Variants in SLC39A11 observed in about 807,000 individuals in gnomAD.
SLC39A11 encodes the protein zinc transporter ZIP11.
A neutral mutation model predicts 36.1 loss-of-function variants in SLC39A11; 33 were observed. That is an observed-to-expected ratio of 0.91 (90% CI 0.69 to 1.22). The LOEUF is 1.22. SLC39A11 is among the 50% of genes most tolerant of loss of function. The pLI is 0.00. For synonymous variants in SLC39A11, 166 were observed against 170.3 expected (o/e 0.97, Z 0.20); for missense variants, 432 against 430.3 (o/e 1.00, Z -0.03).
intron 4 of SLC39A11, among the ~76,000 whole-genome samples, chr17:72,975,006 T>C (rs1482159753): frequency 6.6e-6 from 1 of 152,178 alleles, no homozygotes; most frequent in Non-Finnish European, 1.5e-5. Context: ...GGCTATCCCA[T>C]CTTTGTTTGG....
At chr17:73,088,305 GAA>G (rs1417667821) in intron 2 of SLC39A11, among the ~76,000 whole-genome samples, 18 of 145,856 alleles carry the variant, frequency 1.2e-4, no homozygotes, top group Admixed American at 6.8e-5. Flanking sequence ...AAAAAAAAAA[GAA>G]AAAAGAAAAA....
At chr17:72,855,925 A>G (rs1479624039) in intron 5 of SLC39A11, among the ~76,000 whole-genome samples, 1 of 151,082 alleles carries the variant, frequency 6.6e-6, no homozygotes, top group Non-Finnish European at 1.5e-5. Flanking sequence ...ATAGAAGGGG[A>G]TCAACTTATA....
At chr17:73,061,721 C>G (rs2059845374) in intron 3 of SLC39A11, among the ~76,000 whole-genome samples, 1 of 152,140 alleles carries the variant, frequency 6.6e-6, no homozygotes, top group Admixed American at 6.5e-5. Context: ...GCAGGCTGGG[C>G]AAGTGGCTCA....
intron 5 of SLC39A11, among the ~76,000 whole-genome samples, chr17:72,928,638 A>G (rs1053608094): frequency 6.6e-6 from 1 of 152,118 alleles, no homozygotes; most frequent in Non-Finnish European, 1.5e-5. Context: ...GGGCCCTGAT[A>G]GTTGATTCTC....
At chr17:72,973,575 T>C (rs1000070638) in intron 4 of SLC39A11, among the ~76,000 whole-genome samples, 3 of 152,162 alleles carry the variant, frequency 2.0e-5, no homozygotes, top group African/African-American at 7.2e-5. Context: ...TTTTTCTTTT[T>C]TGAGACAGGG....
intron 5 of SLC39A11, among the ~76,000 whole-genome samples, chr17:72,914,991 G>T (rs2083252499): frequency 6.6e-6 from 1 of 152,160 alleles, no homozygotes. Flanking sequence ...ACAGGCTGGG[G>T]CCACTTTGTT....
At chr17:72,890,353 A>T (rs2146708539) in intron 5 of SLC39A11, among the ~76,000 whole-genome samples, 1 of 152,178 alleles carries the variant, frequency 6.6e-6, no homozygotes, top group African/African-American at 2.4e-5. Context: ...CCAGCAAGTT[A>T]TAACTAGGGA....
chr17:72,864,977 A>C (rs2080229071), intron 5 of SLC39A11, among the ~76,000 whole-genome samples: 1 of 152,226 alleles, frequency 6.6e-6, no homozygotes, highest in Non-Finnish European at 1.5e-5. Context: ...CTAGCCATCT[A>C]TCTGATTCCA....
At chr17:72,935,749 A>G (rs545466773) in intron 5 of SLC39A11, among the ~76,000 whole-genome samples, 2 of 151,570 alleles carry the variant, frequency 1.3e-5, no homozygotes, top group Non-Finnish European at 2.9e-5. Context: ...TGCCCAGCTA[A>G]TTTTTTTTGT....
intron 5 of SLC39A11, among the ~76,000 whole-genome samples, chr17:72,889,096 T>A (rs192154740): frequency 6.6e-6 from 1 of 152,034 alleles, no homozygotes; most frequent in Admixed American, 6.6e-5. Context: ...AAAAGGGAGG[T>A]TCGATCAATG....
intron 5 of SLC39A11, among the ~76,000 whole-genome samples, chr17:72,875,265 C>G (rs2080841359): frequency 6.6e-6 from 1 of 152,128 alleles, no homozygotes; most frequent in African/African-American, 2.4e-5. Context: ...TTGAATTTGC[C>G]AGCAAGGCTA....
intron 5 of SLC39A11, among the ~76,000 whole-genome samples, chr17:72,896,858 G>C (rs1451200296): frequency 6.6e-6 from 1 of 151,702 alleles, no homozygotes; most frequent in African/African-American, 2.4e-5. Flanking sequence ...TTCAAGACCA[G>C]CCTGACCAAC....
chr17:72,959,574 G>C (rs1203655557), intron 4 of SLC39A11, among the ~76,000 whole-genome samples: 1 of 151,708 alleles, frequency 6.6e-6, no homozygotes, highest in Admixed American at 6.6e-5. Context: ...GGGGGGAAGG[G>C]TGGCAGAGGG....
intron 4 of SLC39A11, among the ~76,000 whole-genome samples, chr17:72,973,965 TGAC>T (rs1324466050): frequency 6.6e-6 from 1 of 152,164 alleles, no homozygotes; most frequent in Non-Finnish European, 1.5e-5. Flanking sequence ...GTGTGCATGA[TGAC>T]ATGAAAGTCA....
At chr17:72,974,161 C>A (rs1363085591) in intron 4 of SLC39A11, among the ~76,000 whole-genome samples, 2 of 152,206 alleles carry the variant, frequency 1.3e-5, no homozygotes, top group South Asian at 2.1e-4. Flanking sequence ...AGTGCAGTGG[C>A]GCGATCTGGC....
intron 6 of SLC39A11, chr17:72,821,768 C>T (rs945063907): frequency 1.3e-5 from 2 of 151,392 alleles, no homozygotes; most frequent in African/African-American, 4.8e-5. Flanking sequence ...AAAAGGGACT[C>T]CGAGGCCAGG....
Position 72,900,213 on chromosome 17 carries a change from GAAA to G in SLC39A11, c.430+47536_430+47538del, listed in dbSNP as rs1567913216. On this transcript the variant is annotated intron_variant, in intron 5 of 9. Transcript: ENST00000255559. The stretch of plus-strand genomic sequence containing the variant: ...AGAAAGAAAGAAAGAAAGAAAGAAA[GAAA>G]GAAAGAAAGAAAGAAAAAGACAGCA... 6.3e-5 allele frequency among the ~76,000 whole-genome samples: 8 copies of G among 126,226 alleles called. 1 individual carries two copies. Among genetic ancestry groups the G allele is most frequent in the Non-Finnish European group, 1.0e-4 (6 of 60,080 alleles). 82.8% of individuals were successfully genotyped at this position (126,226 alleles called of 152,430 possible).
chr17:72,769,539 T>C (rs1405581800), intron 6 of SLC39A11, among the ~76,000 whole-genome samples: 1 of 151,336 alleles, frequency 6.6e-6, no homozygotes, highest in Non-Finnish European at 1.5e-5. Flanking sequence ...GATAGATGCA[T>C]CTTTTTTTTT....
At chr17:72,736,919 G>A (rs916022415) in intron 6 of SLC39A11, among the ~76,000 whole-genome samples, 200 bp from the exon 7 acceptor site, 2 of 152,112 alleles carry the variant, frequency 1.3e-5, no homozygotes, top group African/African-American at 4.8e-5. Context: ...TGCAACCTAG[G>A]AATGATTTTT....
Sources: gnomAD v4.1 joint callset for allele counts (sites outside exome capture counted in the v4.1 genomes callset) on GRCh38, gnomAD v4.1.1 for gene constraint, MANE v1.5 for transcripts, NCBI Gene and HGNC (gene_info 2026-07-23, HGNC 2026-07-21) for gene names.